The following SYTL4 variants were observed in gnomAD, a reference collection of about 807,000 sequenced individuals.
The protein encoded by SYTL4 is synaptotagmin like 4, also known as synaptotagmin-like protein 4.
In SYTL4, 16 loss-of-function variants were observed where a neutral mutation model predicts 52.7. The ratio of observed to expected loss-of-function variants is 0.30; its 90% confidence interval spans 0.21 to 0.46. The LOEUF (loss-of-function observed/expected upper bound fraction) is 0.46, where lower values mean the gene tolerates loss of function less well. SYTL4 is among the 20% of genes least tolerant of loss of function. The pLI, the probability that SYTL4 is intolerant of heterozygous loss-of-function variation, is 1.00. For missense variants in SYTL4, 423 were observed against 519.9 expected (o/e 0.81, Z 1.81); for synonymous variants, 160 against 186.6 (o/e 0.86, Z 1.16).
chrX:100,687,543 G>A (rs1040537388), intron 13 of SYTL4: 3 of 307,242 alleles, frequency 9.8e-6, no homozygotes, highest in African/African-American at 8.0e-5. Flanking sequence ...GCAGGGAGCA[G>A]AGGCAAGGTG....
At chrX:100,678,103 T>C (rs2083310980) in intron 19 of SYTL4, among the ~76,000 whole-genome samples, 1 of 111,068 alleles carries the variant, frequency 9.0e-6, no homozygotes, top group African/African-American at 3.3e-5. Context: ...AGATGGAATG[T>C]ATAGGTACAT....
At chrX:100,714,263 A>AT (rs373405140) in intron 2 of SYTL4, among the ~76,000 whole-genome samples, 51 of 96,462 alleles carry the variant, frequency 5.3e-4, no homozygotes, top group South Asian at 1.5e-3. Flanking sequence ...TTATGTCAAG[A>AT]TTTTTTTTTT....
chrX:100,688,939 A>G (rs1295323659), intron 12 of SYTL4, among the ~76,000 whole-genome samples: 1 of 110,962 alleles, frequency 9.0e-6, no homozygotes, highest in Non-Finnish European at 1.9e-5. Flanking sequence ...TCATATCTCA[A>G]AAGAATAAGA....
intron 2 of SYTL4, among the ~76,000 whole-genome samples, chrX:100,720,858 A>T (rs1602921039): frequency 8.9e-6 from 1 of 112,385 alleles, no homozygotes; most frequent in African/African-American, 3.2e-5. Context: ...TTCAAATAAA[A>T]TATTAATAAA....
At chrX:100,677,773 G>A (rs1051454612) in intron 19 of SYTL4, among the ~76,000 whole-genome samples, 3 of 112,299 alleles carry the variant, frequency 2.7e-5, no homozygotes, top group African/African-American at 9.7e-5. Context: ...TTTGGCAAGA[G>A]CAACTGCTCA....
At position 100,683,160 on chromosome X, in the gene SYTL4, G is replaced by C. The variant is rs528099919; in HGVS notation, c.1450-1825C>G. On this transcript the variant is annotated intron_variant, in intron 16 of 19. Transcript: ENST00000372989. ...TTTTTTTTTTTTTTTTTTTTTTTTT[G>C]AGACAGGGTTTCATTCCCAGAGCCC... 5.1e-4 allele frequency among the ~76,000 whole-genome samples: 16 copies of C among 31,280 alleles called. 1 individual carries two copies. In the South Asian group the frequency reaches 0.022, roughly 44 times the overall value. The allele number at this position is 31,280 out of a possible 115,157, so 27.2% of individuals were successfully genotyped here. A position where few individuals can be genotyped will look rare whatever the true frequency, so the allele number is the denominator to read the frequency against.
At chrX:100,722,662 CTAAATAAA>C (rs57321237) in intron 2 of SYTL4, among the ~76,000 whole-genome samples, 2 of 109,789 alleles carry the variant, frequency 1.8e-5, no homozygotes, top group East Asian at 2.9e-4. Flanking sequence ...CAAGTCCTTC[CTAAATAAA>C]TAAATAAATA....
Position 100,678,434 on chromosome X carries a change from G to A in SYTL4, c.1824C>T (p.Ala608=). The change falls in exon 19 of 20, where the codon GCC becomes GCT. Residue 608 remains alanine, a synonymous_variant. Transcript: ENST00000372989. ...ELTVWDREPL[A]SNDFLGGVRL... Reference sequence around the variant, plus strand: ...TGACCCCTCCCAGGAAGTCATTGCTGGCCAGGGGCTCCCGGTCCCACACAG... The same window carrying A: ...TGACCCCTCCCAGGAAGTCATTGCTAGCCAGGGGCTCCCGGTCCCACACAG... 1 of 1,211,251 alleles carries A rather than the reference G, an allele frequency of 8.3e-7. No individual in the cohort carries two copies. The highest frequency in any genetic ancestry group is 1.1e-6 in the Non-Finnish European group (1 of 895,148).
intron 2 of SYTL4, among the ~76,000 whole-genome samples, chrX:100,725,733 T>C (rs1368354322): frequency 8.9e-6 from 1 of 111,890 alleles, no homozygotes; most frequent in Non-Finnish European, 1.9e-5. Context: ...GCTGGGTTGA[T>C]GGATGGATAG....
chrX:100,728,705 T>C (rs1003724751), intron 2 of SYTL4, among the ~76,000 whole-genome samples: 1 of 111,574 alleles, frequency 9.0e-6, no homozygotes, highest in Non-Finnish European at 1.9e-5. Flanking sequence ...ATTTCCACTT[T>C]TAAACTTTAG....
chrX:100,724,840 T>A (rs1285639128), intron 2 of SYTL4, among the ~76,000 whole-genome samples: 2 of 69,328 alleles, frequency 2.9e-5, no homozygotes, highest in Non-Finnish European at 5.2e-5. Flanking sequence ...CAAATCCCCC[T>A]CTGCGAGAAA....
rs2084041462 is a variant in SYTL4 at position 100,710,272 on chromosome X, A to G, written c.-239-5386T>C. On this transcript the variant is annotated intron_variant, in intron 2 of 19. Transcript: ENST00000372989. ...AAAAAGTGAACCAGAGTCTTTCAAA[A>G]TATATTCATTTAACCAAGAAGCCTG... is the stretch of plus-strand genomic sequence containing the variant. Among the ~76,000 whole-genome samples, 3 of 112,030 alleles carry G rather than the reference A, an allele frequency of 2.7e-5. No individual in the cohort carries two copies. In the South Asian group the frequency reaches 1.1e-3, roughly 42 times the overall value.
intron 15 of SYTL4, 23 bp from the exon 16 acceptor site, chrX:100,686,174 C>T: frequency 8.4e-7 from 1 of 1,185,385 alleles, no homozygotes. Flanking sequence ...AGTAAAAGCC[C>T]AAGATGATTA....
intron 8 of SYTL4, among the ~76,000 whole-genome samples, chrX:100,700,514 T>C (rs2083825010): frequency 8.9e-6 from 1 of 112,030 alleles, no homozygotes. Flanking sequence ...CCGTTATGTA[T>C]ATACATAGAA....
chrX:100,701,066 T>A (rs1433527898), intron 7 of SYTL4, 67 bp from the exon 8 acceptor site: 15 of 954,633 alleles, frequency 1.6e-5, no homozygotes, highest in Non-Finnish European at 2.1e-5. Context: ...ACAACCCTCA[T>A]AGCAAATCCC....
chrX:100,693,540 CATGTAGCTCTTGG>C (rs2083644262), intron 8 of SYTL4, among the ~76,000 whole-genome samples: 1 of 112,255 alleles, frequency 8.9e-6, no homozygotes, highest in Non-Finnish European at 1.9e-5. Flanking sequence ...AAACCACCAT[CATGTAGCTCTTGG>C]ATGGTTGCAG....
In SYTL4 at chrX:100,675,927, CATACACACAT is replaced by C; in HGVS notation, c.*91_*100del. The stretch of plus-strand genomic sequence containing the variant: ...ACACACACACACACACACATACACA[CATACACACAT>C]ACACATTAAATTATAAATCTTTGCT... On this transcript the variant is annotated 3_prime_UTR_variant, in exon 20 of 20. Coordinates refer to ENST00000372989, the MANE Select transcript of SYTL4 (RefSeq NM_001370165.1). 1.2e-6 allele frequency: 1 copy of C among 823,707 alleles called. No individual in the cohort carries two copies. Among genetic ancestry groups the C allele is most frequent in the Non-Finnish European group, 1.7e-6 (1 of 587,976 alleles). 67.9% of individuals were successfully genotyped at this position (823,707 alleles called of 1,213,427 possible). A position where few individuals can be genotyped will look rare whatever the true frequency, so the allele number is the denominator to read the frequency against.
At chrX:100,684,394 G>T (rs987361713) in intron 16 of SYTL4, among the ~76,000 whole-genome samples, 20 of 111,583 alleles carry the variant, frequency 1.8e-4, no homozygotes, top group African/African-American at 6.5e-4. Context: ...ATTCACAAAA[G>T]AAGACCAAGA....
At chrX:100,707,423 T>C (rs1026172588) in intron 2 of SYTL4, among the ~76,000 whole-genome samples, 2 of 111,321 alleles carry the variant, frequency 1.8e-5, no homozygotes, top group Admixed American at 1.9e-4. Flanking sequence ...TAGAGGAAAA[T>C]ACCTGCCTCC....
Sources: allele counts gnomAD v4.1 joint callset (sites outside exome capture counted in the v4.1 genomes callset), GRCh38; gene constraint gnomAD v4.1.1; transcripts MANE v1.5; gene names NCBI Gene and HGNC (gene_info 2026-07-23, HGNC 2026-07-21).